The following HSPG2 variants were observed in gnomAD, a reference collection of about 807,000 sequenced individuals.
The protein encoded by HSPG2 is heparan sulfate proteoglycan 2, also known as basement membrane-specific heparan sulfate proteoglycan core protein.
HSPG2 carries 278 observed loss-of-function variants against 526.6 expected under a neutral mutation model. The ratio of observed to expected loss-of-function variants is 0.53; its 90% CI spans 0.48 to 0.58. The LOEUF (loss-of-function observed/expected upper bound fraction) is 0.58, where lower values mean the gene tolerates loss of function less well. HSPG2 is among the 20% of genes least tolerant of loss of function. The probability of loss-of-function intolerance (pLI) is 0.00; values close to 1 mark genes in which losing one functional copy is unlikely to be tolerated. For synonymous variants in HSPG2, 2,465 were observed against 2,555.4 expected (o/e 0.96, Z 1.07); for missense variants, 5,354 against 6,099.5 (o/e 0.88, Z 4.07).
chr1:21,881,485 G>A lies in HSPG2; in HGVS notation c.1672C>T (p.Pro558Ser). The change falls in exon 14 of 97, where the codon CCT becomes TCT. Residue 558 changes from proline to serine, a missense_variant. By Grantham distance (74) the Pro-to-Ser change is moderately conservative (BLOSUM62 -1). Coordinates refer to ENST00000374695, the MANE Select transcript of HSPG2 (RefSeq NM_005529.7). ...DDFKGVNVTMPAQPGTPPLSS... is the reference protein window; with the variant it reads ...DDFKGVNVTMSAQPGTPPLSS... ...AGGGGTGGCGTGCCGGGCTGCGCAG[G>A]CATTGTCACATTCACACCTGTGGGT... The A allele has an allele frequency of 1.2e-6, 2 of 1,612,268 alleles. No individual in the cohort carries two copies. Among genetic ancestry groups the A allele is most frequent in the Non-Finnish European group, 8.5e-7 (1 of 1,179,912 alleles).
chr1:21,829,389 C>A lies in HSPG2; in HGVS notation c.11986G>T (p.Gly3996Trp). The A allele has an allele frequency of 6.2e-7, 1 of 1,613,362 alleles. No individual in the cohort carries two copies. Among genetic ancestry groups the A allele is most frequent in the Non-Finnish European group, 8.5e-7 (1 of 1,179,916 alleles). ...GGHLEFRYEL[G>W]SGLAVLRSAE... ...TTTGGTGCTGGGTGCTTACCTGACC[C>A]CAACTCATAGCGGAACTCCAGGTGG... The change falls in exon 87 of 97, where the codon GGG becomes TGG. Residue 3996 changes from glycine to tryptophan, a missense_variant. Physicochemically the swap from Gly to Trp is radical, Grantham distance 184. Transcript: ENST00000374695.
At chr1:21,919,761 T>A (rs1028601245) in intron 1 of HSPG2, among the ~76,000 whole-genome samples, 3 of 152,202 alleles carry the variant, frequency 2.0e-5, no homozygotes, top group Non-Finnish European at 4.4e-5. Flanking sequence ...AAGCTCCCAG[T>A]TGAGGCCCGG....
chr1:21,833,548 G>A lies in HSPG2; in HGVS notation c.10897C>T (p.Pro3633Ser). Residue 3633 changes from proline to serine, a missense_variant, in exon 79 of 97, where the codon CCC becomes TCC. Coordinates refer to ENST00000374695, the MANE Select transcript of HSPG2 (RefSeq NM_005529.7). ...CAGACGTAGGTACCTGCGTCCTGGG[G>A]TCGGACTGAGGGCAGCATCAGCATG... ...NNMLMLPSVR[P>S]QDAGTYVCTA... 6.2e-7 allele frequency: 1 copy of A among 1,614,200 alleles called. No homozygotes were observed. The highest frequency in any genetic ancestry group is 8.5e-7 in the Non-Finnish European group (1 of 1,180,030).
At chr1:21,886,313 A>G (rs1248121309) in intron 9 of HSPG2, among the ~76,000 whole-genome samples, 1 of 152,212 alleles carries the variant, frequency 6.6e-6, no homozygotes, top group East Asian at 1.9e-4. Flanking sequence ...GCTATCAGGC[A>G]AGCTTAGAGC....
chr1:21,849,013 G>C lies in HSPG2; in HGVS notation c.7465C>G (p.Arg2489Gly), dbSNP rs756722962. 1.2e-6 allele frequency: 2 copies of C among 1,613,792 alleles called. No individual in the cohort carries two copies. The highest frequency in any genetic ancestry group is 2.7e-5 in the African/African-American group (2 of 74,926). Residue 2489 changes from arginine to glycine, a missense_variant, in exon 58 of 97, where the codon CGC (arginine) becomes GGC (glycine). Transcript: ENST00000374695. ...ARHQVHGSRL[R>G]LLQVTPADSG... is the part of the protein sequence containing the mutation. Reference sequence around the variant, plus strand: ...TCAGCTGGGGTCACCTGGAGCAGGCGTAGCCTCGAGCCATGCACCTGGGAG... The same window carrying C: ...TCAGCTGGGGTCACCTGGAGCAGGCCTAGCCTCGAGCCATGCACCTGGGAG...
Position 21,848,578 on chromosome 1 carries a change from C to G in HSPG2, c.7737+65G>C. 7.1e-6 allele frequency: 11 copies of G among 1,543,360 alleles called. No homozygotes were observed. The highest frequency in any genetic ancestry group is 3.4e-5 in the South Asian group (3 of 89,438). On this transcript the variant is annotated intron_variant, in intron 59 of 96. Coordinates refer to ENST00000374695, the MANE Select transcript of HSPG2 (RefSeq NM_005529.7). The surrounding 1 kb of genome is among the most constrained non-coding windows in gnomAD (Gnocchi z 4.9). ...GAGCACAGAGTGAGGTGCTGAGAGT[C>G]CCCCCTCTTCCCATTGGGGGCTGGT...
intron 91 of HSPG2, among the ~76,000 whole-genome samples, chr1:21,826,617 C>A (rs982410600): frequency 3.9e-5 from 6 of 152,052 alleles, no homozygotes; most frequent in African/African-American, 1.4e-4. Flanking sequence ...TCAAGCGATT[C>A]TCCTGCCTCA....
At chr1:21,829,680 C>T (rs2097993648) in intron 86 of HSPG2, 76 bp from the exon 87 acceptor site, 1 of 1,300,738 alleles carries the variant, frequency 7.7e-7, no homozygotes, top group East Asian at 2.5e-5. Flanking sequence ...CTGCCTTCCT[C>T]TGGGACCCTT....
In HSPG2 at chr1:21,859,656, T is replaced by C. The variant is rs767144409; in HGVS notation, c.5203A>G (p.Ser1735Gly). The C allele has an allele frequency of 1.2e-6, 2 of 1,608,592 alleles. No individual in the cohort carries two copies. The highest frequency in any genetic ancestry group is 1.7e-5 in the Admixed American group (1 of 59,214). Reference sequence around the variant, plus strand: ...ACCCCAGCATCCGAGGGCTGGACGCTGGGGAAGTGGAGCTCGGAGCCTGGT... The same window carrying C: ...ACCCCAGCATCCGAGGGCTGGACGCCGGGGAAGTGGAGCTCGGAGCCTGGT... ...RHQGSELHFP[S>G]VQPSDAGVYI... is the part of the protein sequence containing the mutation. The change falls in exon 42 of 97, where the codon AGC (serine) becomes GGC (glycine). Residue 1735 changes from serine (S) to glycine (G), a missense_variant. Physicochemically the swap from Ser to Gly is moderately conservative, Grantham distance 56. Transcript: ENST00000374695. The surrounding 1 kb of genome is among the most constrained non-coding windows in gnomAD (Gnocchi z 5.3).
chr1:21,828,751 A>G lies in HSPG2; in HGVS notation c.12237+84T>C. ...TGGGTGGCTGCAGGTGGAGGGGCCCAATGCCAAGGTGCTTGGAGAGCCGAG... is the reference window on the plus strand; with the variant it reads ...TGGGTGGCTGCAGGTGGAGGGGCCCGATGCCAAGGTGCTTGGAGAGCCGAG... On this transcript the variant is annotated intron_variant, in intron 88 of 96. Transcript: ENST00000374695. This position sits in a 1 kb window ranked among gnomAD's most constrained non-coding sequence, Gnocchi z 6.0. 6.5e-7 allele frequency: 1 copy of G among 1,540,038 alleles called. No individual in the cohort carries two copies. Among genetic ancestry groups the G allele is most frequent in the Non-Finnish European group, 8.8e-7 (1 of 1,141,194 alleles).
intron 44 of HSPG2, among the ~76,000 whole-genome samples, chr1:21,856,452 C>T (rs1639344664): frequency 6.6e-6 from 1 of 152,124 alleles, no homozygotes. Flanking sequence ...GATTCTTGCT[C>T]TGTCACCCAG....
intron 80 of HSPG2, chr1:21,833,041 C>T: frequency 5.0e-6 from 3 of 603,934 alleles, no homozygotes; most frequent in Non-Finnish European, 9.0e-6. Context: ...GGCAGAGGAG[C>T]CACGAGGAGG....
chr1:21,831,138 C>A, intron 84 of HSPG2, 48 bp from the exon 85 acceptor site: 1 of 1,604,948 alleles, frequency 6.2e-7, no homozygotes, highest in Non-Finnish European at 8.5e-7. Context: ...CAGTACCCCC[C>A]ATAATCCCCA....
rs1014462154 is a variant in HSPG2, at chr1:21,839,899, G to T, written c.9632C>A (p.Ala3211Asp). Residue 3211 changes from alanine (A) to aspartate (D), a missense_variant, in exon 72 of 97, where the codon GCC (alanine) becomes GAC (aspartate). By Grantham distance (126) the Ala-to-Asp change is moderately radical (BLOSUM62 -2). Transcript: ENST00000374695. This position sits in a 1 kb window ranked among gnomAD's most constrained non-coding sequence, Gnocchi z 4.5. ...AGCTTCTTCAGCTTGGACCTGAGGG[G>T]CCCCTGGGGCCATGGCGCCCGTGTC... ...IVDTGAMAPG[A>D]PQVQAEEAEL... is the part of the protein sequence containing the mutation. The T allele has an allele frequency of 3.1e-6, 5 of 1,614,182 alleles. No homozygotes were observed. The highest frequency in any genetic ancestry group is 3.4e-6 in the Non-Finnish European group (4 of 1,180,036).
Position 21,874,354 on chromosome 1 carries a change from C to T in HSPG2, c.3656+52G>A, listed in dbSNP as rs368666120. ...GCCCTGGATGAAGCGGGTGTGGGAG[C>T]GGGTGGTAGACATTTCAGGGAAGGG... On this transcript the variant is annotated intron_variant, in intron 28 of 96. Coordinates refer to ENST00000374695, the MANE Select transcript of HSPG2 (RefSeq NM_005529.7). The T allele has an allele frequency of 5.9e-5, 94 of 1,605,658 alleles. No homozygotes were observed. In the African/African-American group the frequency reaches 1.0e-3, roughly 17 times the overall value.
chr1:21,928,292 T>A (rs1004218757), intron 1 of HSPG2, among the ~76,000 whole-genome samples: 1 of 152,184 alleles, frequency 6.6e-6, no homozygotes, highest in Non-Finnish European at 1.5e-5. Flanking sequence ...TTGTCCCACA[T>A]CTTCTGGGGC....
chr1:21,882,839 C>T (rs909252596), intron 13 of HSPG2, among the ~76,000 whole-genome samples: 1 of 152,190 alleles, frequency 6.6e-6, no homozygotes, highest in African/African-American at 2.4e-5. Context: ...CCACATCTGT[C>T]TGCCAATAGC....
At chr1:21,870,340 G>T in intron 33 of HSPG2, 1 of 972,702 alleles carries the variant, frequency 1.0e-6, no homozygotes. Flanking sequence ...GAGCAGGCGA[G>T]CTAAGACCTC....
Position 21,904,657 on chromosome 1 carries a change from C to T in HSPG2, c.64-8347G>A, listed in dbSNP as rs544691920. On this transcript the variant is annotated intron_variant, in intron 1 of 96. Transcript: ENST00000374695. This position sits in a 1 kb window ranked among gnomAD's most constrained non-coding sequence, Gnocchi z 4.4. ...CCACCGGGAAATGCCCTTGCCTCAC[C>T]CATGTGCCAGGTGTGGCCAAGGCGG... 1.4e-3 allele frequency among the ~76,000 whole-genome samples: 215 copies of T among 152,336 alleles called. 1 individual carries two copies. The highest frequency in any genetic ancestry group is 1.3e-3 in the Non-Finnish European group (86 of 68,024).
Sources: allele counts gnomAD v4.1 joint callset (sites outside exome capture counted in the v4.1 genomes callset), GRCh38; gene constraint gnomAD v4.1.1; non-coding constraint Gnocchi (gnomAD v3.1); transcripts MANE v1.5; gene names NCBI Gene and HGNC (gene_info 2026-07-23, HGNC 2026-07-21).